LRRC61: variants seen among roughly 807,000 people sequenced by gnomAD.
LRRC61 encodes leucine-rich repeat-containing protein 61.
Under a neutral mutation model 15.1 loss-of-function variants are expected in LRRC61, and 9 were observed. The observed-to-expected ratio is 0.60, with a 90% CI of 0.36 to 1.04. LRRC61 has a LOEUF of 1.04. Ranked by LOEUF, LRRC61 falls within the 50% of genes least tolerant of loss-of-function variation. The pLI is 0.01. For missense variants in LRRC61, 344 were observed against 335.6 expected (o/e 1.03, Z -0.20); for synonymous variants, 173 against 158.6 (o/e 1.09, Z -0.68).
At chr7:150,314,204 A>G in the LRRC61 span, among the ~76,000 whole-genome samples, 243 of 152,354 alleles carry the variant, frequency 1.6e-3, no homozygotes, top group Non-Finnish European at 2.7e-3. Flanking sequence ...CAGGAGCCGA[A>G]GGGATCTGGG....
chr7:150,314,488 T>C, the LRRC61 span, among the ~76,000 whole-genome samples: 1 of 152,098 alleles, frequency 6.6e-6, no homozygotes. Flanking sequence ...GTGGGGGCGA[T>C]GGAGCTTTGT....
chr7:150,318,515 G>A (rs368231730), upstream of LRRC61, among the ~76,000 whole-genome samples: 1 of 152,156 alleles, frequency 6.6e-6, no homozygotes, highest in Admixed American at 6.5e-5. Context: ...TGTAATCCCA[G>A]CACTTTGGGA....
Position 150,323,403 on chromosome 7 carries a change from G to C in LRRC61, c.-472G>C, listed in dbSNP as rs1005999187. On this transcript the variant is annotated 5_prime_UTR_variant, in exon 1 of 3. Transcript: ENST00000359623. ...AGAAGCACGCTGGCCAACAAGTTGG[G>C]TGGTGGGCACGCGGCCCAGGGGTCA... The C allele has an allele frequency of 6.6e-6, 2 of 304,314 alleles. No homozygotes were observed. Among genetic ancestry groups the C allele is most frequent in the Non-Finnish European group, 1.3e-5 (2 of 158,706 alleles). 18.9% of individuals were successfully genotyped at this position (304,314 alleles called of 1,614,324 possible). A position where few individuals can be genotyped will look rare whatever the true frequency, so the allele number is the denominator to read the frequency against.
At chr7:150,312,340 C>G in the LRRC61 span, among the ~76,000 whole-genome samples, 5 of 152,318 alleles carry the variant, frequency 3.3e-5, no homozygotes, top group Non-Finnish European at 7.3e-5. Flanking sequence ...TGCGTAGGCT[C>G]TGCAATCAAA....
At chr7:150,325,229 G>C (rs73474313) in intron 1 of LRRC61, among the ~76,000 whole-genome samples, 1,846 of 152,300 alleles carry the variant, frequency 0.012, 39 homozygotes, top group African/African-American at 0.043. Flanking sequence ...TCCATGCATT[G>C]TGCCATCACC....
At chr7:150,311,393 T>C in the LRRC61 span, among the ~76,000 whole-genome samples, 2 of 152,190 alleles carry the variant, frequency 1.3e-5, no homozygotes, top group Non-Finnish European at 2.9e-5. Context: ...CTTTAATACG[T>C]CTAGAGGCCC....
At chr7:150,323,242 GGGGTGCGCGCGAAGACCCCCGCAGGCT>G (rs1459187286), upstream of LRRC61, 4 of 240,246 alleles carry the variant, frequency 1.7e-5, no homozygotes, top group African/African-American at 7.2e-5. Context: ...TGCGAGGCGG[GGGGTGCGCGCGAAGACCCCCGCAGGCT>G]GCGCTTCCGG....
chr7:150,319,842 G>C (rs908096423), upstream of LRRC61, among the ~76,000 whole-genome samples: 4 of 152,170 alleles, frequency 2.6e-5, no homozygotes, highest in Admixed American at 2.6e-4. Flanking sequence ...GTATCTGGAA[G>C]CTCTAGGGGC....
chr7:150,324,832 C>T (rs1374495268), intron 1 of LRRC61, among the ~76,000 whole-genome samples: 1 of 152,178 alleles, frequency 6.6e-6, no homozygotes, highest in African/African-American at 2.4e-5. Flanking sequence ...CCAGCATTCC[C>T]GGTTCCTGCT....
At chr7:150,316,018 A>G in the LRRC61 span, among the ~76,000 whole-genome samples, 2 of 152,160 alleles carry the variant, frequency 1.3e-5, no homozygotes, top group Non-Finnish European at 2.9e-5. Flanking sequence ...ACCAACATGG[A>G]GAAACCCCGT....
In LRRC61 at chr7:150,330,593, C is replaced by G; in HGVS notation, c.-145+4583C>G. 2.5e-6 allele frequency: 2 copies of G among 806,016 alleles called. No individual in the cohort carries two copies. The highest frequency in any genetic ancestry group is 1.3e-5 in the South Asian group (1 of 74,874). 49.9% of individuals were successfully genotyped at this position (806,016 alleles called of 1,614,324 possible). ...AGCTCTGCACCGACTGTCAGCTCAA[C>G]AAGCTCTTCTACCGCGAGGAGTTTG... On this transcript the variant is annotated intron_variant, in intron 2 of 2. Transcript: ENST00000359623. The surrounding 1 kb of genome is among the most constrained non-coding windows in gnomAD (Gnocchi z 4.6).
At chr7:150,313,554 T>C in the LRRC61 span, among the ~76,000 whole-genome samples, 1 of 152,198 alleles carries the variant, frequency 6.6e-6, no homozygotes, top group Non-Finnish European at 1.5e-5. Flanking sequence ...TGGATGTTAA[T>C]TCCGGTTAGC....
the LRRC61 span, among the ~76,000 whole-genome samples, chr7:150,310,586 G>T: frequency 6.6e-6 from 1 of 150,960 alleles, no homozygotes; most frequent in African/African-American, 2.5e-5. Context: ...TCATTATTCT[G>T]TTATCGACCT....
intron 1 of LRRC61, among the ~76,000 whole-genome samples, chr7:150,325,379 G>A (rs1295618232): frequency 6.6e-6 from 1 of 152,238 alleles, no homozygotes; most frequent in Non-Finnish European, 1.5e-5. Flanking sequence ...AGCCCAAAAG[G>A]CCGTGCTTCA....
At position 150,335,311 on chromosome 7, in the gene LRRC61, T is replaced by C. The variant is rs80026872; in HGVS notation, c.-144-1407T>C. ...CCATTCCCACTGAGGGAATCCACAC[T>C]TCTTGGCAGATGCTTCCAGTCTCTT... On this transcript the variant is annotated intron_variant, in intron 2 of 2. Transcript: ENST00000359623. The surrounding 1 kb of genome is among the most constrained non-coding windows in gnomAD (Gnocchi z 4.3). Among the ~76,000 whole-genome samples the C allele has an allele frequency of 6.5e-4, 99 of 152,366 alleles. No homozygotes were observed. In the South Asian group the frequency reaches 0.013, roughly 20 times the overall value.
the LRRC61 span, among the ~76,000 whole-genome samples, chr7:150,316,603 A>G: frequency 6.7e-6 from 1 of 150,192 alleles, no homozygotes; most frequent in African/African-American, 2.5e-5. Context: ...CTCCTGCCTC[A>G]GCCTCCTGAG....
chr7:150,320,580 T>C (rs1797401727), upstream of LRRC61, among the ~76,000 whole-genome samples: 1 of 152,174 alleles, frequency 6.6e-6, no homozygotes. Flanking sequence ...CTGGCCAATA[T>C]GGCAAAACCC....
upstream of LRRC61, among the ~76,000 whole-genome samples, chr7:150,318,673 A>G (rs186344708): frequency 2.2e-4 from 33 of 152,288 alleles, no homozygotes; most frequent in East Asian, 6.0e-3. Flanking sequence ...GAGGCAGAAG[A>G]ATCGCTTGAA....
Position 150,338,028 on chromosome 7 carries a change from T to C in LRRC61, c.*387T>C. 2.4e-6 allele frequency: 1 copy of C among 420,628 alleles called. No homozygotes were observed. The highest frequency in any genetic ancestry group is 4.6e-6 in the Non-Finnish European group (1 of 218,132). 26.1% of individuals were successfully genotyped at this position (420,628 alleles called of 1,614,324 possible). A position where few individuals can be genotyped will look rare whatever the true frequency, so the allele number is the denominator to read the frequency against. On this transcript the variant is annotated 3_prime_UTR_variant, in exon 3 of 3. Coordinates refer to ENST00000359623, the MANE Select transcript of LRRC61 (RefSeq NM_001142928.2). ...CAGGCTGAGTGGCCCAGAGCACTCCTGGAAGTGGGACTCCCCTGCCTTGCA... is the reference window on the plus strand; with the variant it reads ...CAGGCTGAGTGGCCCAGAGCACTCCCGGAAGTGGGACTCCCCTGCCTTGCA...
Sources: allele counts gnomAD v4.1 joint callset (sites outside exome capture counted in the v4.1 genomes callset), GRCh38; gene constraint gnomAD v4.1.1; non-coding constraint Gnocchi (gnomAD v3.1); transcripts MANE v1.5; gene names NCBI Gene and HGNC (gene_info 2026-07-23, HGNC 2026-07-21).